CRPPA: variants seen among roughly 807,000 people sequenced by gnomAD.
CRPPA encodes the protein D-ribitol-5-phosphate cytidylyltransferase.
Under a neutral mutation model 52.0 loss-of-function variants are expected in CRPPA, and 43 were observed. That is an observed-to-expected ratio of 0.83 (90% CI 0.65 to 1.07). The LOEUF is 1.07. CRPPA is among the 50% of genes least tolerant of loss of function. The pLI is 0.00. For missense variants in CRPPA, 629 were observed against 551.7 expected (o/e 1.14, Z -1.40); for synonymous variants, 250 against 203.5 (o/e 1.23, Z -1.94).
intron 1 of CRPPA, among the ~76,000 whole-genome samples, chr7:16,409,423 G>GGAGAAAGGATTCAGCAAAGA (rs1366520664): frequency 6.6e-6 from 1 of 152,136 alleles, no homozygotes; most frequent in Non-Finnish European, 1.5e-5. Context: ...GCTGCAGGGA[G>GGAGAAAGGATTCAGCAAAGA]GAGAAAGGAT....
At chr7:16,149,399 C>T (rs1307782389) in intron 9 of CRPPA, among the ~76,000 whole-genome samples, 4 of 152,152 alleles carry the variant, frequency 2.6e-5, no homozygotes, top group Non-Finnish European at 5.9e-5. Context: ...ACAGAATGCA[C>T]TATCTAGAAA....
rs149439600 is a variant in CRPPA, at chr7:16,185,640, G to C, written c.1251+30426C>G. 1.5e-4 allele frequency among the ~76,000 whole-genome samples: 23 copies of C among 152,284 alleles called. No homozygotes were observed. The East Asian group carries it at 4.1e-3, about 27-fold the overall frequency. On this transcript the variant is annotated intron_variant, in intron 9 of 9. Transcript: ENST00000407010. ...TTGTCTGAAGTCAACTGATGATTAA[G>C]AGAATAATAGTAATTGCAATATGAG...
chr7:16,298,648 T>C (rs745828687), intron 5 of CRPPA, among the ~76,000 whole-genome samples: 2 of 152,206 alleles, frequency 1.3e-5, no homozygotes, highest in African/African-American at 2.4e-5. Flanking sequence ...ATAAAAATGG[T>C]TAATTTTATG....
chr7:16,421,051 C>T lies in CRPPA; in HGVS notation c.257+15G>A. The T allele has an allele frequency of 8.7e-6, 11 of 1,263,706 alleles. No homozygotes were observed. Among genetic ancestry groups the T allele is most frequent in the South Asian group, 3.4e-5 (1 of 29,398 alleles). The allele number at this position is 1,263,706 out of a possible 1,614,324, so 78.3% of individuals were successfully genotyped here. ...GGCCCCAGGGAACCGCGGGGCGCGC[C>T]CGGCGCCGCATTACCTCTCCAGGGC... On this transcript the variant is annotated intron_variant, in intron 1 of 9. Transcript: ENST00000407010.
intron 8 of CRPPA, among the ~76,000 whole-genome samples, chr7:16,226,304 A>G (rs951363944): frequency 2.0e-5 from 3 of 151,990 alleles, no homozygotes; most frequent in Non-Finnish European, 4.4e-5. Flanking sequence ...AAGAATGACC[A>G]TAGACAAAAA....
chr7:16,217,822 A>G (rs1275927867), intron 8 of CRPPA, among the ~76,000 whole-genome samples: 4 of 151,934 alleles, frequency 2.6e-5, no homozygotes, highest in Non-Finnish European at 5.9e-5. Context: ...TGATTGGTGT[A>G]CCTGAAAGTG....
intron 9 of CRPPA, among the ~76,000 whole-genome samples, chr7:16,164,242 C>A (rs1225658730): frequency 1.3e-5 from 2 of 152,148 alleles, no homozygotes; most frequent in African/African-American, 4.8e-5. Flanking sequence ...TGTCTTCATG[C>A]TTTATTTCAT....
At chr7:16,174,279 G>T in intron 9 of CRPPA, among the ~76,000 whole-genome samples, 1 of 152,110 alleles carries the variant, frequency 6.6e-6, no homozygotes, top group East Asian at 1.9e-4. Flanking sequence ...CAAGGTTCAG[G>T]ATTGCCAGTC....
chr7:16,283,357 C>T (rs1034119582), intron 5 of CRPPA, among the ~76,000 whole-genome samples: 3 of 149,744 alleles, frequency 2.0e-5, no homozygotes, highest in African/African-American at 7.3e-5. Context: ...AATAACTTCC[C>T]AACTTAAAAG....
At chr7:16,128,850 G>A in intron 9 of CRPPA, among the ~76,000 whole-genome samples, 1 of 152,030 alleles carries the variant, frequency 6.6e-6, no homozygotes, top group East Asian at 1.9e-4. Context: ...AAAATGAGTA[G>A]AAGAAAAGAA....
At chr7:16,389,941 A>ATATATATATC (rs1787400217) in intron 2 of CRPPA, among the ~76,000 whole-genome samples, 1 of 132,170 alleles carries the variant, frequency 7.6e-6, no homozygotes, top group Non-Finnish European at 1.6e-5. Context: ...ATATATATAT[A>ATATATATATC]TATATATATA....
At chr7:16,339,940 C>T (rs892397112) in intron 3 of CRPPA, among the ~76,000 whole-genome samples, 1 of 151,870 alleles carries the variant, frequency 6.6e-6, no homozygotes, top group East Asian at 1.9e-4. Context: ...GAAAAGAGAG[C>T]CCAGAAATAG....
In CRPPA at chr7:16,286,072, T is replaced by A. The variant is rs1562608559; in HGVS notation, c.836-7846A>T. On this transcript the variant is annotated intron_variant, in intron 5 of 9. Transcript: ENST00000407010. ...ATATATATATATATATATATATATA[T>A]ATATATATAATATTTAAAAAAAAAA... 8.3e-4 allele frequency among the ~76,000 whole-genome samples: 17 copies of A among 20,584 alleles called. 2 individuals carry two copies. Among genetic ancestry groups the A allele is most frequent in the African/African-American group, 2.9e-3 (9 of 3,092 alleles). 13.5% of individuals were successfully genotyped at this position (20,584 alleles called of 152,430 possible). A position where few individuals can be genotyped will look rare whatever the true frequency, so the allele number is the denominator to read the frequency against.
intron 2 of CRPPA, among the ~76,000 whole-genome samples, chr7:16,391,305 A>T (rs1197729197): frequency 6.6e-6 from 1 of 152,066 alleles, no homozygotes; most frequent in Non-Finnish European, 1.5e-5. Flanking sequence ...AATTCAGCCC[A>T]TCAGTAATCC....
chr7:16,318,200 G>A lies in CRPPA; in HGVS notation c.685-9573C>T, dbSNP rs561680459. On this transcript the variant is annotated intron_variant, in intron 3 of 9. Transcript: ENST00000407010. ...CTTAGACTACTCTTATCAACAAGGA[G>A]ACTATGGTTAATGGCATGAATAATT... Among the ~76,000 whole-genome samples the A allele has an allele frequency of 5.9e-5, 9 of 152,206 alleles. No individual in the cohort carries two copies. The South Asian group carries it at 1.9e-3, about 32-fold the overall frequency.
At chr7:16,403,350 G>A (rs761663978) in intron 2 of CRPPA, among the ~76,000 whole-genome samples, 60 of 152,060 alleles carry the variant, frequency 3.9e-4, no homozygotes, top group Non-Finnish European at 7.2e-4. Context: ...AGCCTTAATC[G>A]TGGATATCTG....
intron 9 of CRPPA, among the ~76,000 whole-genome samples, chr7:16,108,934 C>T (rs1180568683): frequency 6.6e-6 from 1 of 151,320 alleles, no homozygotes; most frequent in Admixed American, 6.6e-5. Context: ...CAACAGCAGG[C>T]CTTAGGAGAA....
chr7:16,286,097 A>ATATATATATATATATAT lies in CRPPA; in HGVS notation c.836-7872_836-7871insATATATATATATATATA, dbSNP rs1554309941. Among the ~76,000 whole-genome samples, 59 of 39,106 alleles carry ATATATATATATATATAT rather than the reference A, an allele frequency of 1.5e-3. 5 individuals carry two copies. Among genetic ancestry groups the ATATATATATATATATAT allele is most frequent in the African/African-American group, 7.5e-3 (41 of 5,440 alleles). The allele number at this position is 39,106 out of a possible 152,430, so 25.7% of individuals were successfully genotyped here. ...TATATATATAATATTTAAAAAAAAAAATATATATATATATATATATGCCAA... is the reference window on the plus strand; with the variant it reads ...TATATATATAATATTTAAAAAAAAAATATATATATATATATATATATATATATATATATATATGCCAA... On this transcript the variant is annotated intron_variant, in intron 5 of 9. Transcript: ENST00000407010.
At chr7:16,241,970 T>TTTTTTTTTTTTTTTTTTG (rs1241010922) in intron 8 of CRPPA, among the ~76,000 whole-genome samples, 2 of 104,892 alleles carry the variant, frequency 1.9e-5, no homozygotes, top group Non-Finnish European at 3.7e-5. Context: ...TTTTTTTTTG[T>TTTTTTTTTTTTTTTTTTG]TGGGGGGAGA....
Sources: allele counts gnomAD v4.1 joint callset (sites outside exome capture counted in the v4.1 genomes callset), GRCh38; gene constraint gnomAD v4.1.1; transcripts MANE v1.5; gene names NCBI Gene and HGNC (gene_info 2026-07-23, HGNC 2026-07-21).